Variants in MYOCD observed in about 807,000 individuals in gnomAD.
MYOCD encodes the protein myocardin.
A neutral mutation model predicts 96.1 loss-of-function variants in MYOCD; 32 were observed. That is an observed-to-expected ratio of 0.33 (90% confidence interval 0.25 to 0.45). The LOEUF (loss-of-function observed/expected upper bound fraction) is 0.45, where lower values mean the gene tolerates loss of function less well. Ranked by LOEUF, MYOCD falls within the 20% of genes least tolerant of loss-of-function variation. MYOCD has a pLI of 1.00. For missense variants in MYOCD, 1,133 were observed against 1,200.6 expected (o/e 0.94, Z 0.83); for synonymous variants, 469 against 469.0 (o/e 1.00, Z 0.00).
At chr17:12,735,017 T>C (rs546744080) in intron 5 of MYOCD, among the ~76,000 whole-genome samples, 1 of 152,300 alleles carries the variant, frequency 6.6e-6, no homozygotes, top group South Asian at 2.1e-4. Flanking sequence ...GATGTGACAC[T>C]TGGATGCCTG....
At chr17:12,667,685 T>C (rs1262078861) in intron 1 of MYOCD, among the ~76,000 whole-genome samples, 1 of 152,190 alleles carries the variant, frequency 6.6e-6, no homozygotes, top group Non-Finnish European at 1.5e-5. Context: ...GTGATGTACT[T>C]GATAGTAGAC....
intron 1 of MYOCD, among the ~76,000 whole-genome samples, chr17:12,669,563 A>G (rs1375544357): frequency 6.6e-6 from 1 of 151,902 alleles, no homozygotes; most frequent in African/African-American, 2.4e-5. Flanking sequence ...TGAAATCCAA[A>G]TTTCACTAGG....
At chr17:12,667,765 T>C (rs993729342) in intron 1 of MYOCD, among the ~76,000 whole-genome samples, 19 of 152,270 alleles carry the variant, frequency 1.2e-4, no homozygotes, top group Non-Finnish European at 1.5e-4. Flanking sequence ...TTTGCCACAC[T>C]CCCAACTTCC....
In MYOCD at chr17:12,763,170, C is replaced by G. The variant is rs1381271768; in HGVS notation, c.2487C>G (p.Pro829=). ...SRSPTAVLTK[P]SASFEQASSG... ...GTCCAACTGCTGTCCTCACCAAGCC[C>G]TCGGCTTCCTTTGAACAAGCCTCTT... Residue 829 remains proline, a synonymous_variant, in exon 14 of 14, where the codon CCC becomes CCG. Transcript: ENST00000425538. The G allele has an allele frequency of 6.2e-7, 1 of 1,614,070 alleles. No homozygotes were observed. The highest frequency in any genetic ancestry group is 8.5e-7 in the Non-Finnish European group (1 of 1,180,052).
At chr17:12,718,465 A>C (rs10445272) in intron 4 of MYOCD, among the ~76,000 whole-genome samples, 106,966 of 152,038 alleles carry the variant, frequency 0.7, 38,635 homozygotes, top group Non-Finnish European at 0.8. Flanking sequence ...ATTTCCTTCC[A>C]AGACTGAACA....
chr17:12,723,878 T>C (rs2031920409), intron 5 of MYOCD, among the ~76,000 whole-genome samples: 1 of 152,246 alleles, frequency 6.6e-6, no homozygotes, highest in East Asian at 1.9e-4. Context: ...TATCCAAAAC[T>C]AAGTTTATTA....
intron 13 of MYOCD, chr17:12,762,404 G>A (rs2033201630): frequency 6.6e-6 from 1 of 152,370 alleles, no homozygotes. Context: ...AGAAAATATA[G>A]CTTGAAAGTG....
chr17:12,692,264 T>G (rs2030488927), intron 1 of MYOCD, among the ~76,000 whole-genome samples: 3 of 152,222 alleles, frequency 2.0e-5, no homozygotes, highest in Non-Finnish European at 4.4e-5. Flanking sequence ...TGCATTCGCA[T>G]CGCAACCTAA....
intron 1 of MYOCD, among the ~76,000 whole-genome samples, chr17:12,688,594 A>G (rs1296262902): frequency 1.1e-5 from 1 of 90,926 alleles, no homozygotes; most frequent in Non-Finnish European, 2.1e-5. Context: ...CCTTCCTTCC[A>G]TCTCCTTCCT....
chr17:12,700,772 A>T (rs1201430047), intron 1 of MYOCD, among the ~76,000 whole-genome samples: 1 of 152,072 alleles, frequency 6.6e-6, no homozygotes. Flanking sequence ...AATAATTGAG[A>T]ATTCTTATTT....
chr17:12,694,218 CAGGGA>C (rs959910405), intron 1 of MYOCD, among the ~76,000 whole-genome samples: 8 of 152,094 alleles, frequency 5.3e-5, no homozygotes, highest in Non-Finnish European at 1.2e-4. Flanking sequence ...AAGCTGAAAG[CAGGGA>C]AGGGAAGGGA....
At chr17:12,733,792 C>T (rs1277772718) in intron 5 of MYOCD, among the ~76,000 whole-genome samples, 2 of 149,554 alleles carry the variant, frequency 1.3e-5, no homozygotes, top group South Asian at 2.1e-4. Flanking sequence ...ACTTAAACCT[C>T]GGAGGGGGAG....
chr17:12,671,471 T>C (rs1467482319), intron 1 of MYOCD, among the ~76,000 whole-genome samples: 2 of 152,130 alleles, frequency 1.3e-5, no homozygotes, highest in African/African-American at 4.8e-5. Flanking sequence ...TCCCTATTGT[T>C]CTTAGGTTAG....
rs1250242784 is a variant in MYOCD at position 12,702,614 on chromosome 17, GT to G, written c.56-2512del. ...TTTTTTGTTTGTCCCTATACTTTTT[GT>G]TCCTATATTCCCCCTCTCTTGCCTT... On this transcript the variant is annotated intron_variant, in intron 1 of 13. Coordinates refer to ENST00000425538, the MANE Select transcript of MYOCD (RefSeq NM_001146312.3). Among the ~76,000 whole-genome samples the G allele has an allele frequency of 5.9e-5, 9 of 151,722 alleles. No homozygotes were observed. In the East Asian group the frequency reaches 1.5e-3, roughly 26 times the overall value.
chr17:12,758,079 A>G lies in MYOCD; in HGVS notation c.2203-6A>G, dbSNP rs776737722. 6.3e-6 allele frequency: 10 copies of G among 1,597,182 alleles called. No individual in the cohort carries two copies. Among genetic ancestry groups the G allele is most frequent in the Non-Finnish European group, 4.3e-6 (5 of 1,164,624 alleles). ...CAATGCCTTTCTTCATATTTTACCC[A>G]TGCAGATGGCTGGTTTACACTCTTC... On this transcript the variant is annotated splice_polypyrimidine_tract_variant and splice_region_variant and intron_variant, in intron 11 of 13. Transcript: ENST00000425538.
chr17:12,715,641 T>G, intron 3 of MYOCD, 67 bp downstream of exon 3: 1 of 1,263,628 alleles, frequency 7.9e-7, no homozygotes, highest in Non-Finnish European at 1.2e-6. Flanking sequence ...TGCTAATCCT[T>G]GGTGGATGCG....
rs1463816145 is a variant in MYOCD at position 12,722,878 on chromosome 17, T to C, written c.285T>C (p.Ala95=). The change falls in exon 5 of 14, where the codon GCT becomes GCC. Residue 95 remains alanine (A), a synonymous_variant. Coordinates refer to ENST00000425538, the MANE Select transcript of MYOCD (RefSeq NM_001146312.3). ...ASTAERSIPT[A]QMKLKRARLA... ...CTGCAGAGAGGTCCATTCCAACTGCTCAGATGAAGCTGAAAAGAGCCCGAC... is the reference window on the plus strand; with the variant it reads ...CTGCAGAGAGGTCCATTCCAACTGCCCAGATGAAGCTGAAAAGAGCCCGAC... 1.2e-6 allele frequency: 2 copies of C among 1,613,766 alleles called. No individual in the cohort carries two copies.
Position 12,744,405 on chromosome 17 carries a change from A to G in MYOCD, c.940A>G (p.Ser314Gly), listed in dbSNP as rs1189901076. The G allele has an allele frequency of 6.2e-7, 1 of 1,613,436 alleles. No homozygotes were observed. The highest frequency in any genetic ancestry group is 2.2e-5 in the East Asian group (1 of 44,836). Residue 314 changes from serine (S) to glycine (G), a missense_variant, in exon 8 of 14, where the codon AGC (serine) becomes GGC (glycine). Coordinates refer to ENST00000425538, the MANE Select transcript of MYOCD (RefSeq NM_001146312.3). ...QQQQQQQHRF[S>G]YLGMHQAQLK... ...GCAGCAGCAGCAGCAACACCGATTC[A>G]GCTACCTAGGGATGCACCAAGCTCA...
Position 12,746,007 on chromosome 17 carries a change from T to C in MYOCD, c.1060T>C (p.Ser354Pro). The C allele has an allele frequency of 6.2e-7, 1 of 1,614,238 alleles. No individual in the cohort carries two copies. Among genetic ancestry groups the C allele is most frequent in the Non-Finnish European group, 8.5e-7 (1 of 1,180,046 alleles). The part of the protein sequence containing the change: ...TPLSPVKNSF[S>P]GQTGVSSFKP... The stretch of plus-strand genomic sequence containing the variant: ...CTTGTCTCCTGTCAAAAACAGTTTT[T>C]CTGGACAAACTGGTGTCTCTTCTTT... Residue 354 changes from serine (S) to proline (P), a missense_variant, in exon 9 of 14, where the codon TCT becomes CCT. By Grantham distance (74) the Ser-to-Pro change is moderately conservative. Coordinates refer to ENST00000425538, the MANE Select transcript of MYOCD (RefSeq NM_001146312.3).
Sources: allele counts gnomAD v4.1 joint callset (sites outside exome capture counted in the v4.1 genomes callset), GRCh38; gene constraint gnomAD v4.1.1; transcripts MANE v1.5; gene names NCBI Gene and HGNC (gene_info 2026-07-23, HGNC 2026-07-21).